ITPK1: variants seen among roughly 807,000 people sequenced by gnomAD.
ITPK1 encodes the protein inositol 1,3,4-trisphosphate 5/6-kinase.
Under a neutral mutation model 45.3 loss-of-function variants are expected in ITPK1, and 21 were observed. The observed-to-expected ratio is 0.46, with a 90% CI of 0.33 to 0.67. ITPK1 has a LOEUF of 0.67. Among genes scored for constraint, ITPK1 ranks in the 30% least tolerant of loss-of-function variants. The pLI, the probability that ITPK1 is intolerant of heterozygous loss-of-function variation, is 0.02. For missense variants in ITPK1, 474 were observed against 573.5 expected, an observed-to-expected ratio of 0.83 and a Z score of 1.77; for synonymous variants, 258 against 253.6, an observed-to-expected ratio of 1.02 and a Z score of -0.16.
intron 3 of ITPK1, among the ~76,000 whole-genome samples, chr14:93,050,427 C>T (rs923368825): frequency 6.6e-6 from 1 of 152,164 alleles, no homozygotes; most frequent in Non-Finnish European, 1.5e-5. Flanking sequence ...TTGAGTTCCA[C>T]GTGCTCCAAA....
chr14:93,113,553 C>T (rs1337470647), intron 2 of ITPK1, among the ~76,000 whole-genome samples: 5 of 152,226 alleles, frequency 3.3e-5, no homozygotes, highest in Non-Finnish European at 1.5e-5. Context: ...ACTTCGAGAA[C>T]ATGCCAAAGC....
At chr14:93,103,114 A>AAAAAG (rs1892387660) in intron 2 of ITPK1, among the ~76,000 whole-genome samples, 2 of 143,418 alleles carry the variant, frequency 1.4e-5, no homozygotes, top group Non-Finnish European at 3.0e-5. Context: ...AAAAAAAAAA[A>AAAAAG]AAAGAAAGAA....
chr14:93,021,963 G>A (rs942367327), intron 3 of ITPK1, among the ~76,000 whole-genome samples: 2 of 152,242 alleles, frequency 1.3e-5, no homozygotes, highest in African/African-American at 2.4e-5. Context: ...GAAGGCATAA[G>A]AGTGGGTAAC....
chr14:93,063,793 C>T lies in ITPK1; in HGVS notation c.120+12802G>A, dbSNP rs1273128461. Among the ~76,000 whole-genome samples the T allele has an allele frequency of 2.0e-5, 3 of 152,226 alleles. No homozygotes were observed. The highest frequency in any genetic ancestry group is 4.4e-5 in the Non-Finnish European group (3 of 68,042). On this transcript the variant is annotated intron_variant, in intron 3 of 10. Coordinates refer to ENST00000267615, the MANE Select transcript of ITPK1 (RefSeq NM_014216.6). This position sits in a 1 kb window ranked among gnomAD's most constrained non-coding sequence, Gnocchi z 4.3. Reference sequence around the variant, plus strand: ...CCTGTGTGAGCCTCAGTCCTCTCACCTGGCAAGTGGGGCACTAACCCTGGC... The same window carrying T: ...CCTGTGTGAGCCTCAGTCCTCTCACTTGGCAAGTGGGGCACTAACCCTGGC...
intron 2 of ITPK1, among the ~76,000 whole-genome samples, chr14:93,077,245 G>C (rs961168163): frequency 6.6e-6 from 1 of 152,180 alleles, no homozygotes; most frequent in African/African-American, 2.4e-5. Context: ...AATTTTAGGA[G>C]CCTCATGGCC....
chr14:92,966,127 C>G (rs1364895041), intron 5 of ITPK1, among the ~76,000 whole-genome samples: 3 of 152,186 alleles, frequency 2.0e-5, no homozygotes, highest in African/African-American at 7.2e-5. Context: ...GGGATCTTCC[C>G]CGCTCAGCCT....
intron 3 of ITPK1, among the ~76,000 whole-genome samples, chr14:93,037,345 A>T (rs1007840740): frequency 6.6e-6 from 1 of 152,242 alleles, no homozygotes; most frequent in Non-Finnish European, 1.5e-5. Context: ...TCTTTCAAAC[A>T]GATGGTCAAG....
intron 4 of ITPK1, among the ~76,000 whole-genome samples, chr14:92,995,409 A>C (rs964588211): frequency 6.6e-6 from 1 of 152,218 alleles, no homozygotes; most frequent in Admixed American, 6.5e-5. Flanking sequence ...AAGTGAACTT[A>C]TTTTGGTCCT....
chr14:93,086,137 G>A (rs534914635), intron 2 of ITPK1, among the ~76,000 whole-genome samples: 11 of 152,326 alleles, frequency 7.2e-5, no homozygotes, highest in Admixed American at 1.3e-4. Context: ...AGAAATTCCC[G>A]TGACATTTCC....
At chr14:92,946,556 A>G in intron 9 of ITPK1, 63 bp from the exon 10 acceptor site, 1 of 1,509,880 alleles carries the variant, frequency 6.6e-7, no homozygotes. Flanking sequence ...CACCACACAG[A>G]CAGACCCCCC....
At chr14:93,092,937 C>T (rs79393784) in intron 2 of ITPK1, among the ~76,000 whole-genome samples, 6 of 152,010 alleles carry the variant, frequency 3.9e-5, no homozygotes, top group Admixed American at 1.3e-4. Context: ...CCTCCAGCCA[C>T]GGCGCGTGCC....
At chr14:93,029,940 C>A (rs1193727047) in intron 3 of ITPK1, among the ~76,000 whole-genome samples, 2 of 152,228 alleles carry the variant, frequency 1.3e-5, no homozygotes, top group African/African-American at 4.8e-5. Context: ...GGATTTCTAT[C>A]TGAGCTCTCA....
chr14:93,059,998 T>G (rs1890449441), intron 3 of ITPK1, among the ~76,000 whole-genome samples: 2 of 151,584 alleles, frequency 1.3e-5, no homozygotes, highest in South Asian at 2.1e-4. Context: ...AACGCAGCAT[T>G]CAAGATCCAG....
At chr14:93,008,909 C>T (rs1015496448) in intron 4 of ITPK1, among the ~76,000 whole-genome samples, 1 of 152,192 alleles carries the variant, frequency 6.6e-6, no homozygotes, top group Non-Finnish European at 1.5e-5. Flanking sequence ...AGAAACTGCA[C>T]CCAGTGGGGC....
intron 5 of ITPK1, among the ~76,000 whole-genome samples, chr14:92,992,119 C>G (rs1217091816): frequency 6.6e-6 from 1 of 152,194 alleles, no homozygotes; most frequent in African/African-American, 2.4e-5. Flanking sequence ...CTCCTCGAAT[C>G]CCACCCAAAC....
chr14:93,029,533 G>A lies in ITPK1; in HGVS notation c.121-12732C>T, dbSNP rs569879797. 1.2e-3 allele frequency among the ~76,000 whole-genome samples: 181 copies of A among 152,288 alleles called. 1 individual carries two copies. The highest frequency in any genetic ancestry group is 4.1e-3 in the African/African-American group (170 of 41,552). On this transcript the variant is annotated intron_variant, in intron 3 of 10. Coordinates refer to ENST00000267615, the MANE Select transcript of ITPK1 (RefSeq NM_014216.6). ...GCCACCCGAGCTTCAGCCCCAGGGT[G>A]CACCTTGCAGAGAGGAGACATGGGC...
In ITPK1 at chr14:93,034,411, G is replaced by C. The variant is rs1889221686; in HGVS notation, c.121-17610C>G. On this transcript the variant is annotated intron_variant, in intron 3 of 10. Transcript: ENST00000267615. The surrounding 1 kb of genome is among the most constrained non-coding windows in gnomAD (Gnocchi z 4.1). ...GAAAACTCTTCTGGGGGCCCTACAG[G>C]CCTCCTCAGAGGGCGACTCCGGCCC... is the stretch of plus-strand genomic sequence containing the variant. 6.6e-6 allele frequency among the ~76,000 whole-genome samples: 1 copy of C among 152,126 alleles called. No individual in the cohort carries two copies. The highest frequency in any genetic ancestry group is 6.5e-5 in the Admixed American group (1 of 15,280).
chr14:93,017,579 C>A (rs2093930578), intron 3 of ITPK1, among the ~76,000 whole-genome samples: 1 of 152,226 alleles, frequency 6.6e-6, no homozygotes, highest in African/African-American at 2.4e-5. Flanking sequence ...CTGACCCCCG[C>A]TTCCTGACCC....
intron 2 of ITPK1, among the ~76,000 whole-genome samples, chr14:93,100,755 A>G (rs1434285966): frequency 6.6e-6 from 1 of 152,062 alleles, no homozygotes; most frequent in Non-Finnish European, 1.5e-5. Context: ...CAGCCATACA[A>G]TCGACTTACT....
Sources: allele counts gnomAD v4.1 joint callset (sites outside exome capture counted in the v4.1 genomes callset), GRCh38; gene constraint gnomAD v4.1.1; non-coding constraint Gnocchi (gnomAD v3.1); transcripts MANE v1.5; gene names NCBI Gene and HGNC (gene_info 2026-07-23, HGNC 2026-07-21).